The following MYLK variants were observed in gnomAD, a reference collection of about 807,000 sequenced individuals.
MYLK encodes the protein myosin light chain kinase, smooth muscle.
In MYLK, 106 loss-of-function variants were observed where a neutral mutation model predicts 203.4. The ratio of observed to expected loss-of-function variants is 0.52; its 90% CI spans 0.45 to 0.61. MYLK has a LOEUF of 0.61. Ranked by LOEUF, MYLK falls within the 20% of genes least tolerant of loss-of-function variation. MYLK has a pLI of 0.00. For synonymous variants in MYLK, 867 were observed against 959.5 expected (o/e 0.90, Z 1.78); for missense variants, 2,072 against 2,442.3 (o/e 0.85, Z 3.20).
intron 4 of MYLK, among the ~76,000 whole-genome samples, chr3:123,787,855 A>G (rs1398813876): frequency 1.3e-5 from 2 of 152,232 alleles, no homozygotes; most frequent in Non-Finnish European, 2.9e-5. Flanking sequence ...GAGATAAAAT[A>G]TGCTTCTTGT....
intron 13 of MYLK, among the ~76,000 whole-genome samples, chr3:123,720,250 G>A (rs60291776): frequency 0.041 from 6,257 of 152,162 alleles, 428 homozygotes; most frequent in African/African-American, 0.14. Flanking sequence ...GCCCCCACAG[G>A]CCCGGGAGTC....
intron 4 of MYLK, among the ~76,000 whole-genome samples, chr3:123,783,045 G>A (rs1310268686): frequency 6.6e-6 from 1 of 151,780 alleles, no homozygotes; most frequent in Admixed American, 6.7e-5. Context: ...ACAAATAGGT[G>A]ATTATGTAAT....
At chr3:123,617,359 C>G (rs1314746014) in intron 33 of MYLK, 1 of 152,112 alleles carries the variant, frequency 6.6e-6, no homozygotes, top group Non-Finnish European at 1.5e-5. Context: ...GTGAGAATTG[C>G]AAGCAGTGGC....
At chr3:123,707,532 T>C (rs2061508438) in intron 16 of MYLK, among the ~76,000 whole-genome samples, 2 of 152,344 alleles carry the variant, frequency 1.3e-5, no homozygotes, top group South Asian at 4.1e-4. Context: ...CAAGACAGGA[T>C]TCTGGGGAAC....
At chr3:123,817,848 C>G (rs1313706956) in intron 3 of MYLK, among the ~76,000 whole-genome samples, 1 of 152,170 alleles carries the variant, frequency 6.6e-6, no homozygotes, top group Non-Finnish European at 1.5e-5. Flanking sequence ...CATGCAGAAA[C>G]CATCTCTGTG....
At chr3:123,628,725 C>A (rs925400429) in intron 30 of MYLK, among the ~76,000 whole-genome samples, 4 of 152,194 alleles carry the variant, frequency 2.6e-5, no homozygotes, top group African/African-American at 9.7e-5. Context: ...CCACTCTGGT[C>A]TCCTCTACAA....
intron 12 of MYLK, among the ~76,000 whole-genome samples, chr3:123,724,803 G>A (rs2062221730): frequency 6.6e-6 from 1 of 152,086 alleles, no homozygotes; most frequent in Non-Finnish European, 1.5e-5. Flanking sequence ...GGAGTGCAAT[G>A]GCGCAATCTC....
chr3:123,656,339 G>A (rs1167612487), intron 24 of MYLK, among the ~76,000 whole-genome samples: 3 of 152,078 alleles, frequency 2.0e-5, no homozygotes, highest in Admixed American at 6.6e-5. Flanking sequence ...AGCTCTAATC[G>A]TCTCGATCCC....
intron 3 of MYLK, among the ~76,000 whole-genome samples, chr3:123,812,872 G>A (rs533462334): frequency 5.2e-4 from 79 of 152,294 alleles, no homozygotes; most frequent in African/African-American, 1.9e-3. Flanking sequence ...GGCATATTGG[G>A]GCACTCAGGG....
At chr3:123,750,296 A>T (rs1224232925) in intron 5 of MYLK, among the ~76,000 whole-genome samples, 1 of 152,136 alleles carries the variant, frequency 6.6e-6, no homozygotes, top group Non-Finnish European at 1.5e-5. Flanking sequence ...AGTCTCCCCA[A>T]ATGAAAACCA....
rs369241521 is a variant in MYLK, at chr3:123,678,638, G to A, written c.3652+3586C>T. On this transcript the variant is annotated intron_variant, in intron 20 of 33. Coordinates refer to ENST00000360304, the MANE Select transcript of MYLK (RefSeq NM_053025.4). ...TAGGTACTTCTCAGCCCTTGACACA[G>A]AGGAACACACACACAAACACACACA... Among the ~76,000 whole-genome samples the A allele has an allele frequency of 1.4e-4, 22 of 151,944 alleles. No homozygotes were observed. The South Asian group carries it at 4.6e-3, about 32-fold the overall frequency.
At chr3:123,837,479 T>A (rs996362282) in intron 2 of MYLK, among the ~76,000 whole-genome samples, 24 of 147,728 alleles carry the variant, frequency 1.6e-4, no homozygotes, top group Admixed American at 1.6e-3. Context: ...ATATACATAT[T>A]ATATATAATT....
chr3:123,680,468 T>C (rs185478144), intron 20 of MYLK, among the ~76,000 whole-genome samples: 1 of 152,216 alleles, frequency 6.6e-6, no homozygotes, highest in Non-Finnish European at 1.5e-5. Context: ...ATAGCACAGG[T>C]CCAAGGAATA....
At chr3:123,757,030 G>A (rs775169807) in intron 4 of MYLK, among the ~76,000 whole-genome samples, 2 of 152,210 alleles carry the variant, frequency 1.3e-5, no homozygotes. Context: ...CTTGCTGAAG[G>A]TTGAGGAGAA....
At chr3:123,785,529 T>G (rs918870194) in intron 4 of MYLK, among the ~76,000 whole-genome samples, 19 of 152,242 alleles carry the variant, frequency 1.2e-4, no homozygotes, top group African/African-American at 4.6e-4. Context: ...GATTCTCTCA[T>G]CAACAGATCA....
At chr3:123,799,577 C>T (rs2065119267) in intron 3 of MYLK, among the ~76,000 whole-genome samples, 1 of 152,136 alleles carries the variant, frequency 6.6e-6, no homozygotes, top group Non-Finnish European at 1.5e-5. Flanking sequence ...CCCAAGCAGG[C>T]TCCGCAGTCT....
rs1053537292 is a variant in MYLK, at chr3:123,664,322, C to G, written c.3832-64G>C. The G allele has an allele frequency of 2.9e-5, 47 of 1,600,988 alleles. No individual in the cohort carries two copies. The Admixed American group carries it at 7.5e-4, about 26-fold the overall frequency. On this transcript the variant is annotated intron_variant, in intron 22 of 33. Transcript: ENST00000360304. Reference sequence around the variant, plus strand: ...CCCCTGGGCTAGGAAAGGAAGGGGGCTCCTCCCCATTCCCTACTTCCTGAA... The same window carrying G: ...CCCCTGGGCTAGGAAAGGAAGGGGGGTCCTCCCCATTCCCTACTTCCTGAA...
intron 2 of MYLK, among the ~76,000 whole-genome samples, chr3:123,860,225 G>C (rs1334106560): frequency 6.6e-6 from 1 of 152,206 alleles, no homozygotes; most frequent in Non-Finnish European, 1.5e-5. Flanking sequence ...CACGGCTCCA[G>C]ACCAGAGGTG....
At chr3:123,632,165 G>A (rs1232232011) in intron 29 of MYLK, among the ~76,000 whole-genome samples, 1 of 151,996 alleles carries the variant, frequency 6.6e-6, no homozygotes, top group Non-Finnish European at 1.5e-5. Flanking sequence ...ATGAGCCACC[G>A]CGCCTAGCCA....
Sources: gnomAD v4.1 joint callset for allele counts (sites outside exome capture counted in the v4.1 genomes callset) on GRCh38, gnomAD v4.1.1 for gene constraint, MANE v1.5 for transcripts, NCBI Gene and HGNC (gene_info 2026-07-23, HGNC 2026-07-21) for gene names.